The following GATAD1 variants were observed in gnomAD, a reference collection of about 807,000 sequenced individuals.
GATAD1 encodes GATA zinc finger domain-containing protein 1.
GATAD1 carries 12 observed loss-of-function variants against 26.5 expected under a neutral mutation model. The ratio of observed to expected loss-of-function variants is 0.45; its 90% CI spans 0.29 to 0.73. The LOEUF (loss-of-function observed/expected upper bound fraction) is 0.73, where lower values mean the gene tolerates loss of function less well. GATAD1 is among the 30% of genes least tolerant of loss of function. The probability of loss-of-function intolerance (pLI) is 0.10; values close to 1 mark genes in which losing one functional copy is unlikely to be tolerated. For synonymous variants in GATAD1, 129 were observed against 133.1 expected (o/e 0.97, Z 0.21); for missense variants, 266 against 342.1 (o/e 0.78, Z 1.75).
chr7:92,454,305 G>T, intron 3 of GATAD1, 197 bp from the exon 4 acceptor site: 1 of 556,968 alleles, frequency 1.8e-6, no homozygotes, highest in Non-Finnish European at 3.1e-6. Flanking sequence ...ATGCACCCTC[G>T]TATGTGTATG....
At chr7:92,470,397 T>C in the GATAD1 span, 1 of 681,348 alleles carries the variant, frequency 1.5e-6, no homozygotes, top group South Asian at 1.7e-5. Flanking sequence ...TTTATGATTT[T>C]AGTTACTTTC....
intron 4 of GATAD1, 68 bp from the exon 5 acceptor site, chr7:92,456,304 T>C: frequency 9.2e-7 from 1 of 1,092,250 alleles, no homozygotes; most frequent in South Asian, 1.6e-5. Context: ...TCTAGAAATT[T>C]TAACATCTTA....
At chr7:92,471,366 C>T in the GATAD1 span, 1 of 153,354 alleles carries the variant, frequency 6.5e-6, no homozygotes, top group Non-Finnish European at 1.5e-5. Flanking sequence ...TTGAAAAGGC[C>T]TGGTCCAGTA....
In GATAD1 at chr7:92,456,719, G is replaced by A. The variant is rs1312666343; in HGVS notation, c.*157G>A. On this transcript the variant is annotated 3_prime_UTR_variant, in exon 5 of 5. Transcript: ENST00000287957. Reference sequence around the variant, plus strand: ...GATTTCCAGTTCTCTAATATTCTTAGTACCACAAGATATGTCATAGGTATC... The same window carrying A: ...GATTTCCAGTTCTCTAATATTCTTAATACCACAAGATATGTCATAGGTATC... 3.7e-6 allele frequency: 2 copies of A among 533,336 alleles called. No homozygotes were observed. The highest frequency in any genetic ancestry group is 6.6e-6 in the Non-Finnish European group (2 of 303,438). 33.0% of individuals were successfully genotyped at this position (533,336 alleles called of 1,614,324 possible). A position where few individuals can be genotyped will look rare whatever the true frequency, so the allele number is the denominator to read the frequency against.
the GATAD1 span, chr7:92,469,983 G>C: frequency 1.3e-6 from 1 of 777,158 alleles, no homozygotes; most frequent in Non-Finnish European, 2.4e-6. Flanking sequence ...TGAGTTGGGA[G>C]ATTACTTCTT....
chr7:92,449,400 TAAGAA>T, intron 2 of GATAD1: 1 of 983,124 alleles, frequency 1.0e-6, no homozygotes, highest in Non-Finnish European at 1.2e-6. Context: ...TCTTCTGCTC[TAAGAA>T]AAGAGATTGT....
In GATAD1 at chr7:92,447,987, C is replaced by T; in HGVS notation, c.249+9C>T. 2.5e-6 allele frequency: 3 copies of T among 1,214,184 alleles called. No homozygotes were observed. The highest frequency in any genetic ancestry group is 2.0e-6 in the Non-Finnish European group (2 of 976,946). 75.2% of individuals were successfully genotyped at this position (1,214,184 alleles called of 1,614,324 possible). On this transcript the variant is annotated intron_variant, in intron 1 of 4. Coordinates refer to ENST00000287957, the MANE Select transcript of GATAD1 (RefSeq NM_021167.5). ...GCGGGGGCGGCAAGCAGGTGAGCTC[C>T]TCCGGCCCCTCCCGCCGGCGGAGGC...
At chr7:92,452,965 A>G (rs954078371) in intron 3 of GATAD1, among the ~76,000 whole-genome samples, 1 of 152,236 alleles carries the variant, frequency 6.6e-6, no homozygotes, top group Non-Finnish European at 1.5e-5. Context: ...TATATGATAA[A>G]TAACTTTGGA....
At chr7:92,492,456 T>G in the GATAD1 span, among the ~76,000 whole-genome samples, 1 of 152,178 alleles carries the variant, frequency 6.6e-6, no homozygotes, top group Non-Finnish European at 1.5e-5. Flanking sequence ...CGTGAACCAC[T>G]GCACCTGGCC....
the GATAD1 span, chr7:92,494,156 G>C: frequency 1.4e-6 from 1 of 731,044 alleles, no homozygotes; most frequent in East Asian, 2.7e-5. Flanking sequence ...TTTATGCTTT[G>C]AGCAAACAGT....
the GATAD1 span, chr7:92,494,619 C>T: frequency 6.2e-6 from 10 of 1,613,782 alleles, no homozygotes; most frequent in Non-Finnish European, 8.5e-6. Context: ...CAGGGCTTTG[C>T]AGCCTGTGCT....
Position 92,456,607 on chromosome 7 carries a change from C to A in GATAD1, c.*45C>A. The A allele has an allele frequency of 8.1e-7, 1 of 1,239,964 alleles. No homozygotes were observed. The highest frequency in any genetic ancestry group is 1.2e-6 in the Non-Finnish European group (1 of 859,342). The allele number at this position is 1,239,964 out of a possible 1,614,324, so 76.8% of individuals were successfully genotyped here. Reference sequence around the variant, plus strand: ...TTTCCAGGCCTGGTGTGGTGGCTCACGCCTGTAGCCCCAGCTATTGCACCA... The same window carrying A: ...TTTCCAGGCCTGGTGTGGTGGCTCAAGCCTGTAGCCCCAGCTATTGCACCA... On this transcript the variant is annotated 3_prime_UTR_variant, in exon 5 of 5. Transcript: ENST00000287957.
At chr7:92,480,876 A>T in the GATAD1 span, among the ~76,000 whole-genome samples, 1 of 152,180 alleles carries the variant, frequency 6.6e-6, no homozygotes, top group Non-Finnish European at 1.5e-5. Flanking sequence ...TTTATTAAAG[A>T]GGCATTAATG....
the GATAD1 span, among the ~76,000 whole-genome samples, chr7:92,479,805 C>G: frequency 6.6e-6 from 1 of 151,944 alleles, no homozygotes; most frequent in Non-Finnish European, 1.5e-5. Flanking sequence ...TTAGAAGGAG[C>G]ATTTATTGTA....
chr7:92,466,819 C>T, the GATAD1 span, among the ~76,000 whole-genome samples: 11,761 of 151,888 alleles, frequency 0.077, 486 homozygotes, highest in Non-Finnish European at 0.087. Context: ...ATCAACTTTT[C>T]GGGGGTGGGG....
At chr7:92,481,253 T>C in the GATAD1 span, among the ~76,000 whole-genome samples, 2 of 152,042 alleles carry the variant, frequency 1.3e-5, no homozygotes, top group African/African-American at 4.8e-5. Context: ...ATCATCAGGG[T>C]CAGGTGTGGT....
At chr7:92,492,934 AC>A in the GATAD1 span, 1 of 1,596,112 alleles carries the variant, frequency 6.3e-7, no homozygotes, top group South Asian at 1.1e-5. Flanking sequence ...TGTCATAACA[AC>A]TTCCTCATAT....
downstream of GATAD1, among the ~76,000 whole-genome samples, chr7:92,463,557 G>A (rs567121173): frequency 5.9e-5 from 9 of 151,940 alleles, no homozygotes; most frequent in Admixed American, 1.3e-4. Context: ...CCAGCTACTC[G>A]GGAGGCTGAG....
chr7:92,454,304 C>T lies in GATAD1; in HGVS notation c.436-198C>T, dbSNP rs952562817. ...ATGTAAACTGTCATATATGCACCCT[C>T]GTATGTGTATGTATAATTTTCATTC... On this transcript the variant is annotated intron_variant, in intron 3 of 4. Transcript: ENST00000287957. 5.5e-5 allele frequency: 31 copies of T among 559,154 alleles called. No homozygotes were observed. The Middle Eastern group carries it at 2.8e-3, about 50-fold the overall frequency. 34.6% of individuals were successfully genotyped at this position (559,154 alleles called of 1,614,324 possible).
Sources: gnomAD v4.1 joint callset for allele counts (sites outside exome capture counted in the v4.1 genomes callset) on GRCh38, gnomAD v4.1.1 for gene constraint, MANE v1.5 for transcripts, NCBI Gene and HGNC (gene_info 2026-07-23, HGNC 2026-07-21) for gene names.